The following DACH2 variants were observed in gnomAD, a reference collection of about 807,000 sequenced individuals.
DACH2 encodes dachshund family transcription factor 2, also known as dachshund homolog 2.
Under a neutral mutation model 35.8 loss-of-function variants are expected in DACH2, and 17 were observed. The observed-to-expected ratio is 0.48, with a 90% CI of 0.33 to 0.71. DACH2 has a LOEUF of 0.71. Among genes scored for constraint, DACH2 ranks in the 30% least tolerant of loss-of-function variants. The pLI, the probability that DACH2 is intolerant of heterozygous loss-of-function variation, is 0.02. For synonymous variants in DACH2, 195 were observed against 177.3 expected (o/e 1.10, Z -0.79); for missense variants, 469 against 472.7 (o/e 0.99, Z 0.07).
At chrX:86,525,410 G>C (rs1021254854) in intron 3 of DACH2, among the ~76,000 whole-genome samples, 11 of 111,418 alleles carry the variant, frequency 9.9e-5, no homozygotes, top group Non-Finnish European at 2.1e-4. Context: ...TAGTTTACAT[G>C]TGGGGCAGCT....
At chrX:86,681,048 G>A (rs1569466163) in intron 4 of DACH2, among the ~76,000 whole-genome samples, 1 of 110,578 alleles carries the variant, frequency 9.0e-6, no homozygotes, top group Non-Finnish European at 1.9e-5. Flanking sequence ...ATCTATCTGT[G>A]TGTCTGTCTA....
intron 6 of DACH2, among the ~76,000 whole-genome samples, chrX:86,737,268 G>T (rs138609843): frequency 9.0e-6 from 1 of 110,514 alleles, no homozygotes; most frequent in East Asian, 2.9e-4. Context: ...TTATTTTTCC[G>T]TGCAGACATT....
intron 1 of DACH2, among the ~76,000 whole-genome samples, chrX:86,326,362 A>T (rs1265225690): frequency 9.2e-6 from 1 of 108,762 alleles, no homozygotes; most frequent in Non-Finnish European, 1.9e-5. Flanking sequence ...AGCTACTTGG[A>T]GGGCTGAGGC....
intron 4 of DACH2, among the ~76,000 whole-genome samples, chrX:86,686,160 A>G (rs1464005515): frequency 8.9e-6 from 1 of 112,332 alleles, no homozygotes; most frequent in East Asian, 2.8e-4. Context: ...TGTCACACAT[A>G]AACAAATTTT....
At chrX:86,359,797 G>T (rs1349052511) in intron 1 of DACH2, among the ~76,000 whole-genome samples, 1 of 111,069 alleles carries the variant, frequency 9.0e-6, no homozygotes, top group Non-Finnish European at 1.9e-5. Flanking sequence ...AGCTAAGAAA[G>T]TGTTAAGTTC....
At position 86,260,016 on chromosome X, in the gene DACH2, C is replaced by T. The variant is rs531435349; in HGVS notation, c.488+110908C>T. 4.6e-3 allele frequency among the ~76,000 whole-genome samples: 510 copies of T among 110,277 alleles called. 3 individuals are homozygous for T. Among genetic ancestry groups the T allele is most frequent in the Middle Eastern group, 0.033 (7 of 213 alleles). ...AAATAGGCTATGTTATGTAATGAAACGAAAACCTCTCAAGTTTGTAGTGGA... is the reference window on the plus strand; with the variant it reads ...AAATAGGCTATGTTATGTAATGAAATGAAAACCTCTCAAGTTTGTAGTGGA... On this transcript the variant is annotated intron_variant, in intron 1 of 11. Transcript: ENST00000373125.
intron 3 of DACH2, among the ~76,000 whole-genome samples, chrX:86,604,591 C>T (rs762592400): frequency 9.0e-6 from 1 of 111,680 alleles, no homozygotes; most frequent in African/African-American, 3.2e-5. Context: ...AGATTTCCCC[C>T]ATGCTTCCCA....
chrX:86,216,063 A>T (rs1296776206), intron 1 of DACH2, among the ~76,000 whole-genome samples: 2 of 111,997 alleles, frequency 1.8e-5, no homozygotes, highest in Non-Finnish European at 3.8e-5. Flanking sequence ...TCCAGCAATA[A>T]GATGATTTTT....
chrX:86,295,927 A>ATG (rs1216880422), intron 1 of DACH2, among the ~76,000 whole-genome samples: 15 of 109,062 alleles, frequency 1.4e-4, no homozygotes, highest in African/African-American at 5.0e-4. Flanking sequence ...TTATGAAGGG[A>ATG]TGTGTGTGTG....
intron 3 of DACH2, among the ~76,000 whole-genome samples, chrX:86,573,251 A>G (rs766775430): frequency 9.0e-6 from 1 of 111,017 alleles, no homozygotes; most frequent in Non-Finnish European, 1.9e-5. Context: ...AGAGGCAAAG[A>G]ACTTTTCAGT....
intron 2 of DACH2, among the ~76,000 whole-genome samples, chrX:86,389,128 C>T (rs2036164764): frequency 8.9e-6 from 1 of 111,944 alleles, no homozygotes; most frequent in South Asian, 3.7e-4. Context: ...GTAGTATCAA[C>T]TGGTACTTTC....
chrX:86,667,371 AGG>A (rs1280289626), intron 4 of DACH2, among the ~76,000 whole-genome samples: 3 of 88,701 alleles, frequency 3.4e-5, no homozygotes, highest in African/African-American at 1.2e-4. Flanking sequence ...AAGGGAAGGG[AGG>A]GAGGAAGGAA....
chrX:86,172,319 T>C (rs1053080101), intron 1 of DACH2, among the ~76,000 whole-genome samples: 5 of 112,105 alleles, frequency 4.5e-5, no homozygotes, highest in African/African-American at 1.6e-4. Context: ...GATCACTTAA[T>C]CTCATTTAGA....
chrX:86,797,370 C>T (rs961845410), intron 7 of DACH2, among the ~76,000 whole-genome samples: 6 of 110,702 alleles, frequency 5.4e-5, no homozygotes, highest in Admixed American at 4.8e-4. Context: ...TTACTGTCTG[C>T]ATAAACCCAG....
At position 86,657,742 on chromosome X, in the gene DACH2, G is replaced by A. The variant is rs1322447099; in HGVS notation, c.772+6575G>A. 3.6e-5 allele frequency among the ~76,000 whole-genome samples: 4 copies of A among 111,359 alleles called. No homozygotes were observed. The East Asian group carries it at 1.1e-3, about 32-fold the overall frequency. ...AGAGGGAGCACACTCTGTTTTAAAT[G>A]CCTTATTGTGGTAGGATTGCTATTT... On this transcript the variant is annotated intron_variant, in intron 4 of 11. Coordinates refer to ENST00000373125, the MANE Select transcript of DACH2 (RefSeq NM_053281.3).
intron 11 of DACH2, among the ~76,000 whole-genome samples, chrX:86,822,811 C>T (rs997296462): frequency 1.8e-5 from 2 of 111,615 alleles, no homozygotes; most frequent in African/African-American, 6.5e-5. Flanking sequence ...TAGACAAATA[C>T]CACACAACTC....
At chrX:86,749,451 C>T (rs1050492804) in intron 7 of DACH2, among the ~76,000 whole-genome samples, 1 of 111,234 alleles carries the variant, frequency 9.0e-6, no homozygotes, top group Admixed American at 9.6e-5. Context: ...TGTTGTATCT[C>T]AGGGAATAGA....
At chrX:86,344,454 T>C (rs1253331948) in intron 1 of DACH2, among the ~76,000 whole-genome samples, 1 of 109,402 alleles carries the variant, frequency 9.1e-6, no homozygotes, top group Non-Finnish European at 1.9e-5. Context: ...GCTTGAAACC[T>C]TATGTTTACT....
chrX:86,156,758 G>A (rs973371099), intron 1 of DACH2, among the ~76,000 whole-genome samples: 5 of 111,370 alleles, frequency 4.5e-5, no homozygotes, highest in African/African-American at 6.5e-5. Context: ...TGTGGCAGTT[G>A]ACTTGTGATC....
Sources: allele counts gnomAD v4.1 joint callset (sites outside exome capture counted in the v4.1 genomes callset), GRCh38; gene constraint gnomAD v4.1.1; transcripts MANE v1.5; gene names NCBI Gene and HGNC (gene_info 2026-07-23, HGNC 2026-07-21).